Variants in C2CD5 observed in about 807,000 individuals in gnomAD.
C2CD5 encodes C2 domain-containing protein 5.
Under a neutral mutation model 130.3 loss-of-function variants are expected in C2CD5, and 109 were observed. The ratio of observed to expected loss-of-function variants is 0.84; its 90% CI spans 0.72 to 0.98. The LOEUF is 0.98. Ranked by LOEUF, C2CD5 falls within the 50% of genes least tolerant of loss-of-function variation. C2CD5 has a pLI of 0.00. For synonymous variants in C2CD5, 454 were observed against 429.2 expected, an observed-to-expected ratio of 1.06 and a Z score of -0.71; for missense variants, 996 against 1,261.8, an observed-to-expected ratio of 0.79 and a Z score of 3.19.
At chr12:22,481,877 C>T (rs567612534) in intron 14 of C2CD5, among the ~76,000 whole-genome samples, 1 of 150,902 alleles carries the variant, frequency 6.6e-6, no homozygotes, top group South Asian at 2.1e-4. Context: ...AGTGATCCTC[C>T]CACCTCAGCT....
chr12:22,459,122 A>G (rs904226365), intron 23 of C2CD5, among the ~76,000 whole-genome samples: 2 of 152,110 alleles, frequency 1.3e-5, no homozygotes, highest in African/African-American at 4.8e-5. Context: ...ATTTTTGTTA[A>G]TGTTTTGTTT....
intron 10 of C2CD5, chr12:22,497,608 T>C (rs950119934): frequency 5.7e-5 from 55 of 972,706 alleles, no homozygotes; most frequent in Non-Finnish European, 6.5e-5. Flanking sequence ...TGCTAACCTC[T>C]TGAAGAAGAT....
At chr12:22,507,494 T>C (rs1217653857) in intron 9 of C2CD5, among the ~76,000 whole-genome samples, 3 of 152,232 alleles carry the variant, frequency 2.0e-5, no homozygotes, top group African/African-American at 7.2e-5. Flanking sequence ...CCACAAGTTC[T>C]TGCAAGCTTT....
rs75568794 is a variant in C2CD5, at chr12:22,493,417, C to T, written c.1148-80G>A. 3.5e-3 allele frequency: 2,424 copies of T among 694,878 alleles called. 35 individuals are homozygous for T. The East Asian group carries it at 0.042, about 12-fold the overall frequency. 43.0% of individuals were successfully genotyped at this position (694,878 alleles called of 1,614,324 possible). On this transcript the variant is annotated intron_variant, in intron 10 of 26. Coordinates refer to ENST00000446597, the MANE Select transcript of C2CD5 (RefSeq NM_001286176.2). ...ACATGAAATGTTTAAAATAAACATACTATGGGAAGTAAAGAAGTTTTATTC... is the reference window on the plus strand; with the variant it reads ...ACATGAAATGTTTAAAATAAACATATTATGGGAAGTAAAGAAGTTTTATTC...
chr12:22,539,978 G>A (rs1202090412), intron 2 of C2CD5, among the ~76,000 whole-genome samples: 3 of 141,182 alleles, frequency 2.1e-5, no homozygotes, highest in African/African-American at 5.4e-5. Flanking sequence ...GGCAACAAGA[G>A]CGAAGCTCCG....
intron 10 of C2CD5, among the ~76,000 whole-genome samples, chr12:22,505,840 A>G (rs1313008699): frequency 6.6e-6 from 1 of 151,152 alleles, no homozygotes; most frequent in African/African-American, 2.4e-5. Flanking sequence ...CATAAAAGAA[A>G]CTGAAGGACC....
chr12:22,528,983 T>C (rs1950969175), intron 3 of C2CD5, among the ~76,000 whole-genome samples: 1 of 152,234 alleles, frequency 6.6e-6, no homozygotes, highest in African/African-American at 2.4e-5. Context: ...TGTTTATTTA[T>C]AAGGGGTCCT....
At chr12:22,527,330 A>ATATAT (rs1472237626) in intron 4 of C2CD5, among the ~76,000 whole-genome samples, 2,081 of 138,138 alleles carry the variant, frequency 0.015, 67 homozygotes, top group African/African-American at 0.055. Context: ...ATATATATAT[A>ATATAT]TTTTTTTTTT....
intron 8 of C2CD5, among the ~76,000 whole-genome samples, chr12:22,517,657 C>T (rs956889033): frequency 2.0e-5 from 3 of 152,112 alleles, no homozygotes; most frequent in Non-Finnish European, 4.4e-5. Context: ...CAATTGATTG[C>T]AAGCCACTAG....
intron 4 of C2CD5, among the ~76,000 whole-genome samples, chr12:22,526,572 G>A (rs1950736159): frequency 6.6e-6 from 1 of 152,040 alleles, no homozygotes; most frequent in African/African-American, 2.4e-5. Flanking sequence ...GTTAAAGCAA[G>A]CTAACTAAAA....
chr12:22,533,042 G>A (rs1204399537), intron 3 of C2CD5, among the ~76,000 whole-genome samples: 2 of 152,142 alleles, frequency 1.3e-5, no homozygotes, highest in African/African-American at 2.4e-5. Flanking sequence ...AATATTTACC[G>A]AGAGTCTATT....
intron 3 of C2CD5, among the ~76,000 whole-genome samples, chr12:22,529,137 T>C (rs2137117766): frequency 2.0e-5 from 3 of 152,282 alleles, no homozygotes; most frequent in Non-Finnish European, 4.4e-5. Context: ...AGACAGCTGT[T>C]AAAGGTGGGT....
At chr12:22,543,335 A>G (rs1952591991) in intron 2 of C2CD5, among the ~76,000 whole-genome samples, 1 of 152,214 alleles carries the variant, frequency 6.6e-6, no homozygotes, top group African/African-American at 2.4e-5. Flanking sequence ...TTAAAAAGCA[A>G]TTTTGCAATT....
At chr12:22,458,344 G>A (rs556643727) in intron 24 of C2CD5, 140 bp downstream of exon 24, 18 of 399,672 alleles carry the variant, frequency 4.5e-5, no homozygotes, top group Admixed American at 4.0e-4. Flanking sequence ...CTAAATGACC[G>A]TTACAGTCTG....
intron 10 of C2CD5, among the ~76,000 whole-genome samples, chr12:22,498,241 T>A (rs189457418): frequency 4.6e-5 from 7 of 152,064 alleles, no homozygotes; most frequent in African/African-American, 1.4e-4. Context: ...CACACCAAAA[T>A]AGTGTAAGAA....
At chr12:22,454,870 A>G (rs1939497147) in intron 25 of C2CD5, among the ~76,000 whole-genome samples, 1 of 152,172 alleles carries the variant, frequency 6.6e-6, no homozygotes, top group Non-Finnish European at 1.5e-5. Flanking sequence ...AGGTGCATAT[A>G]ATAAGAATTC....
chr12:22,497,348 A>G (rs1947153646), intron 10 of C2CD5, among the ~76,000 whole-genome samples: 1 of 152,168 alleles, frequency 6.6e-6, no homozygotes, highest in Non-Finnish European at 1.5e-5. Context: ...GGATACTCCA[A>G]ATACCCTGAT....
intron 2 of C2CD5, among the ~76,000 whole-genome samples, chr12:22,538,890 C>A (rs2137299897): frequency 6.6e-6 from 1 of 152,278 alleles, no homozygotes; most frequent in Non-Finnish European, 1.5e-5. Flanking sequence ...TCTCCCTCTT[C>A]TATGAACTTA....
Position 22,514,163 on chromosome 12 carries a change from A to C in C2CD5, c.953-784T>G, listed in dbSNP as rs186782182. 1.4e-4 allele frequency among the ~76,000 whole-genome samples: 21 copies of C among 152,288 alleles called. No homozygotes were observed. The East Asian group carries it at 4.1e-3, about 29-fold the overall frequency. On this transcript the variant is annotated intron_variant, in intron 8 of 26. Transcript: ENST00000446597. Reference sequence around the variant, plus strand: ...CTATGGTCAAACAATCATAGAAAGCAGGGGACAGGTAAGAAGCCAGTGCTC... The same window carrying C: ...CTATGGTCAAACAATCATAGAAAGCCGGGGACAGGTAAGAAGCCAGTGCTC...
Sources: allele counts gnomAD v4.1 joint callset (sites outside exome capture counted in the v4.1 genomes callset), GRCh38; gene constraint gnomAD v4.1.1; transcripts MANE v1.5; gene names NCBI Gene and HGNC (gene_info 2026-07-23, HGNC 2026-07-21).